NEDD4L: variants seen among roughly 807,000 people sequenced by gnomAD.
NEDD4L encodes the protein NEDD4 like E3 ubiquitin protein ligase.
In NEDD4L, 54 loss-of-function variants were observed where a neutral mutation model predicts 148.9. That is an observed-to-expected ratio of 0.36 (90% CI 0.29 to 0.45). The LOEUF is 0.45. Among genes scored for constraint, NEDD4L ranks in the 20% least tolerant of loss-of-function variants. NEDD4L has a pLI of 1.00. For synonymous variants in NEDD4L, 433 were observed against 440.7 expected, an observed-to-expected ratio of 0.98 and a Z score of 0.22; for missense variants, 856 against 1,233.8, an observed-to-expected ratio of 0.69 and a Z score of 4.59.
At chr18:58,060,235 C>A (rs777246897) in intron 1 of NEDD4L, among the ~76,000 whole-genome samples, 1 of 152,118 alleles carries the variant, frequency 6.6e-6, no homozygotes, top group African/African-American at 2.4e-5. Context: ...CTTTGTGGAC[C>A]TCATCAAGGA....
At chr18:58,234,752 C>A (rs1371878682) in intron 2 of NEDD4L, among the ~76,000 whole-genome samples, 1 of 152,102 alleles carries the variant, frequency 6.6e-6, no homozygotes, top group African/African-American at 2.4e-5. Flanking sequence ...TCAAGACGAG[C>A]AGCTCCATTC....
chr18:58,228,779 C>G (rs553147065), intron 2 of NEDD4L, among the ~76,000 whole-genome samples: 2 of 152,298 alleles, frequency 1.3e-5, no homozygotes, highest in East Asian at 3.9e-4. Flanking sequence ...AAAAGAGGCC[C>G]AGGATGAGCG....
At chr18:58,395,477 G>A (rs993639657) in intron 30 of NEDD4L, among the ~76,000 whole-genome samples, 1 of 152,156 alleles carries the variant, frequency 6.6e-6, no homozygotes, top group Admixed American at 6.5e-5. Flanking sequence ...TTGCCAGGGC[G>A]ATTTGCAGCC....
chr18:58,373,224 T>G lies in NEDD4L; in HGVS notation c.2307T>G (p.Thr769=). ...SLKWILENDP[T]ELDLMFCIDE... Reference sequence around the variant, plus strand: ...AATGGATCCTGGAGAATGACCCTACTGAGCTGGACCTCATGTTCTGCATAG... The same window carrying G: ...AATGGATCCTGGAGAATGACCCTACGGAGCTGGACCTCATGTTCTGCATAG... Residue 769 remains threonine (T), a synonymous_variant, in exon 24 of 31, where the codon ACT becomes ACG. Transcript: ENST00000400345. The G allele has an allele frequency of 6.3e-7, 1 of 1,580,796 alleles. No homozygotes were observed. Among genetic ancestry groups the G allele is most frequent in the Non-Finnish European group, 8.6e-7 (1 of 1,160,672 alleles).
At chr18:58,221,479 C>T (rs779111997) in intron 2 of NEDD4L, 7 of 897,924 alleles carry the variant, frequency 7.8e-6, no homozygotes, top group African/African-American at 1.8e-5. Context: ...TGGAGCTTGA[C>T]GCAACCCCCT....
At position 58,373,314 on chromosome 18, in the gene NEDD4L, G is replaced by A. The variant is rs748977785; in HGVS notation, c.2352+45G>A. 15 of 1,143,214 alleles carry A rather than the reference G, an allele frequency of 1.3e-5. No homozygotes were observed. In the South Asian group the frequency reaches 1.9e-4, roughly 14 times the overall value. The allele number at this position is 1,143,214 out of a possible 1,614,324, so 70.8% of individuals were successfully genotyped here. A position where few individuals can be genotyped will look rare whatever the true frequency, so the allele number is the denominator to read the frequency against. On this transcript the variant is annotated intron_variant, in intron 24 of 30. Transcript: ENST00000400345. Reference sequence around the variant, plus strand: ...GGAACTCTTCTTTAGCTTTCAAGGGGCATTTTTCTTCTTGACGGGCTGTAA... The same window carrying A: ...GGAACTCTTCTTTAGCTTTCAAGGGACATTTTTCTTCTTGACGGGCTGTAA...
At chr18:58,321,949 T>C (rs1024072494) in intron 6 of NEDD4L, among the ~76,000 whole-genome samples, 1 of 152,240 alleles carries the variant, frequency 6.6e-6, no homozygotes, top group Non-Finnish European at 1.5e-5. Context: ...TGGGGTGATC[T>C]CTGTGCAGGA....
intron 6 of NEDD4L, among the ~76,000 whole-genome samples, chr18:58,317,126 C>T (rs771023661): frequency 6.6e-6 from 1 of 152,172 alleles, no homozygotes; most frequent in Non-Finnish European, 1.5e-5. Context: ...GGAAGAAAGT[C>T]GCAAGGTTCC....
intron 1 of NEDD4L, among the ~76,000 whole-genome samples, chr18:58,121,028 T>G (rs1161002246): frequency 1.3e-5 from 2 of 152,218 alleles, no homozygotes; most frequent in East Asian, 3.8e-4. Context: ...TTTCAACAGA[T>G]ATTTGTTAAA....
intron 5 of NEDD4L, among the ~76,000 whole-genome samples, chr18:58,301,530 T>G (rs530766231): frequency 1.2e-4 from 19 of 152,362 alleles, no homozygotes; most frequent in Non-Finnish European, 2.6e-4. Flanking sequence ...GACCTTATGC[T>G]AGTTTTGTGC....
At chr18:58,091,886 G>T (rs2084094847) in intron 1 of NEDD4L, among the ~76,000 whole-genome samples, 1 of 152,170 alleles carries the variant, frequency 6.6e-6, no homozygotes, top group Non-Finnish European at 1.5e-5. Context: ...TGCCACAGGG[G>T]ACTCATTTCA....
chr18:58,312,490 T>C (rs1008872440), intron 5 of NEDD4L, among the ~76,000 whole-genome samples: 1 of 152,230 alleles, frequency 6.6e-6, no homozygotes, highest in Non-Finnish European at 1.5e-5. Context: ...GGTGCTGTGA[T>C]GGCCTCAAAC....
In NEDD4L at chr18:58,082,098, A is replaced by ATTTTTTTT. The variant is rs1182927314; in HGVS notation, c.48+37391_48+37392insTTTTTTTT. On this transcript the variant is annotated intron_variant, in intron 1 of 30. Transcript: ENST00000400345. The stretch of plus-strand genomic sequence containing the variant: ...CTGATGAATATATATATATATATAT[A>ATTTTTTTT]TATATTTTTTTTTTTTTTTTTTTCT... Among the ~76,000 whole-genome samples, 200 of 73,200 alleles carry ATTTTTTTT rather than the reference A, an allele frequency of 2.7e-3. 4 individuals carry two copies. The highest frequency in any genetic ancestry group is 0.017 in the African/African-American group (180 of 10,516). The allele number at this position is 73,200 out of a possible 152,430, so 48.0% of individuals were successfully genotyped here. A position where few individuals can be genotyped will look rare whatever the true frequency, so the allele number is the denominator to read the frequency against.
intron 1 of NEDD4L, among the ~76,000 whole-genome samples, chr18:58,062,003 A>G (rs2082357058): frequency 6.6e-6 from 1 of 152,122 alleles, no homozygotes; most frequent in Non-Finnish European, 1.5e-5. Context: ...TATCCATGGT[A>G]TTAGAGCTCT....
At chr18:58,128,110 G>A (rs2031463531) in intron 1 of NEDD4L, among the ~76,000 whole-genome samples, 1 of 152,088 alleles carries the variant, frequency 6.6e-6, no homozygotes, top group Admixed American at 6.5e-5. Flanking sequence ...GCGATGGCAC[G>A]ATCTCGGCTC....
chr18:58,207,317 AT>A lies in NEDD4L; in HGVS notation c.123-38097del, dbSNP rs34381915. On this transcript the variant is annotated intron_variant, in intron 2 of 30. Coordinates refer to ENST00000400345, the MANE Select transcript of NEDD4L (RefSeq NM_001144967.3). ...ATCAACCAAATACCTTATTTTAGAG[AT>A]TTTTTTTTTTTTCTGGGAAATTGGA... 2.2e-3 allele frequency among the ~76,000 whole-genome samples: 327 copies of A among 147,656 alleles called. 1 individual carries two copies. Among genetic ancestry groups the A allele is most frequent in the African/African-American group, 7.0e-3 (281 of 40,236 alleles).
At chr18:58,189,581 G>T (rs914397228) in intron 2 of NEDD4L, among the ~76,000 whole-genome samples, 1 of 152,144 alleles carries the variant, frequency 6.6e-6, no homozygotes, top group Non-Finnish European at 1.5e-5. Context: ...TTCCAATAAC[G>T]AACGTGTAAA....
intron 5 of NEDD4L, among the ~76,000 whole-genome samples, chr18:58,307,564 C>T (rs760036797): frequency 1.3e-5 from 2 of 152,116 alleles, no homozygotes; most frequent in Non-Finnish European, 2.9e-5. Flanking sequence ...TCAGAGTCTT[C>T]AGTAATTGCA....
chr18:58,341,002 A>C (rs2042348972), intron 13 of NEDD4L, 36 bp from the exon 14 acceptor site: 1 of 1,583,236 alleles, frequency 6.3e-7, no homozygotes, highest in Non-Finnish European at 8.6e-7. Flanking sequence ...AAACAAATGC[A>C]AGGTATTAAA....
Sources: allele counts gnomAD v4.1 joint callset (sites outside exome capture counted in the v4.1 genomes callset), GRCh38; gene constraint gnomAD v4.1.1; transcripts MANE v1.5; gene names NCBI Gene and HGNC (gene_info 2026-07-23, HGNC 2026-07-21).